FKTN: variants seen among roughly 807,000 people sequenced by gnomAD.
FKTN encodes ribitol-5-phosphate transferase FKTN.
A neutral mutation model predicts 58.6 loss-of-function variants in FKTN; 47 were observed. That is an observed-to-expected ratio of 0.80 (90% CI 0.63 to 1.02). The LOEUF (loss-of-function observed/expected upper bound fraction) is 1.02, where lower values mean the gene tolerates loss of function less well. Ranked by LOEUF, FKTN falls within the 50% of genes least tolerant of loss-of-function variation. FKTN has a pLI of 0.00. For missense variants in FKTN, 516 were observed against 537.3 expected (o/e 0.96, Z 0.39); for synonymous variants, 178 against 191.9 (o/e 0.93, Z 0.60).
At chr9:105,589,538 G>A (rs1844488039) in intron 3 of FKTN, among the ~76,000 whole-genome samples, 1 of 151,838 alleles carries the variant, frequency 6.6e-6, no homozygotes, top group South Asian at 2.1e-4. Context: ...TAACAAAATG[G>A]TATAATCTTC....
At position 105,635,211 on chromosome 9, in the gene FKTN, C is replaced by G. The variant is rs781465422; in HGVS notation, c.1333C>G (p.Pro445Ala). The change falls in exon 11 of 11, where the codon CCC becomes GCC. Residue 445 changes from proline (P) to alanine (A), a missense_variant. Coordinates refer to ENST00000357998, the MANE Select transcript of FKTN (RefSeq NM_001079802.2). ...GAAGCGCTCTCCTCCCAATGTGCAACCCAATGGAATCTGGCCTATTTCTGA... is the reference window on the plus strand; with the variant it reads ...GAAGCGCTCTCCTCCCAATGTGCAAGCCAATGGAATCTGGCCTATTTCTGA... ...DWKRSPPNVQ[P>A]NGIWPISEWD... 17 of 1,614,174 alleles carry G rather than the reference C, an allele frequency of 1.1e-5. No individual in the cohort carries two copies. The highest frequency in any genetic ancestry group is 3.3e-4 in the Middle Eastern group (2 of 6,062).
chr9:105,569,929 T>C (rs1431585505), intron 1 of FKTN, among the ~76,000 whole-genome samples: 1 of 152,148 alleles, frequency 6.6e-6, no homozygotes, highest in African/African-American at 2.4e-5. Context: ...TTTACCTAAG[T>C]GTAAGTAAGG....
intron 3 of FKTN, among the ~76,000 whole-genome samples, chr9:105,588,280 A>ATCTGAT (rs1223975805): frequency 2.0e-5 from 3 of 152,204 alleles, no homozygotes; most frequent in Non-Finnish European, 4.4e-5. Context: ...TGTTGTTGGC[A>ATCTGAT]TCTGATTCCA....
chr9:105,637,120 A>G lies in FKTN; in HGVS notation c.*1856A>G. The G allele has an allele frequency of 1.0e-6, 1 of 987,194 alleles. No homozygotes were observed. The highest frequency in any genetic ancestry group is 1.2e-6 in the Non-Finnish European group (1 of 830,414). The allele number at this position is 987,194 out of a possible 1,614,324, so 61.2% of individuals were successfully genotyped here. On this transcript the variant is annotated 3_prime_UTR_variant, in exon 11 of 11. Transcript: ENST00000357998. ...AATTCATTTTTCATGCTTAAAAATA[A>G]TAGAACAAATAATAATACTATTTTT...
intron 7 of FKTN, among the ~76,000 whole-genome samples, chr9:105,614,323 A>C (rs998386807): frequency 4.6e-5 from 7 of 152,174 alleles, no homozygotes; most frequent in Admixed American, 6.5e-5. Flanking sequence ...GAAGTATAAT[A>C]ATTATCTTTA....
intron 10 of FKTN, among the ~76,000 whole-genome samples, chr9:105,627,722 T>G (rs550734491): frequency 1.1e-3 from 162 of 152,344 alleles, no homozygotes; most frequent in African/African-American, 3.7e-3. Context: ...GGAAATAATC[T>G]TCTCTTCCTC....
chr9:105,618,096 A>G lies in FKTN; in HGVS notation c.1044+4A>G. On this transcript the variant is annotated splice_donor_region_variant and intron_variant, in intron 9 of 10. Transcript: ENST00000357998. ...GCTCAAACACAAATTTGGGAAGGTC[A>G]GTAACAAAAGTCGGCTTCATTTCAT... 1 of 1,611,092 alleles carries G rather than the reference A, an allele frequency of 6.2e-7. No homozygotes were observed.
At chr9:105,607,026 C>T (rs951948073) in intron 6 of FKTN, among the ~76,000 whole-genome samples, 1 of 151,670 alleles carries the variant, frequency 6.6e-6, no homozygotes, top group African/African-American at 2.4e-5. Flanking sequence ...GAGACATTAT[C>T]TTTTAGTTTT....
At chr9:105,585,206 C>G (rs986029409) in intron 3 of FKTN, among the ~76,000 whole-genome samples, 1 of 152,140 alleles carries the variant, frequency 6.6e-6, no homozygotes, top group African/African-American at 2.4e-5. Flanking sequence ...GAGAGGATCG[C>G]TTGAGCCCAG....
rs543697317 is a variant in FKTN, at chr9:105,640,376, C to A, written c.*5112C>A. ...GACCAGCCTGGCCAACATAGTGAAA[C>A]CCCGTCTCTTCTAAAAATACAAAAA... is the stretch of plus-strand genomic sequence containing the variant. On this transcript the variant is annotated 3_prime_UTR_variant, in exon 11 of 11. Coordinates refer to ENST00000357998, the MANE Select transcript of FKTN (RefSeq NM_001079802.2). 5.9e-5 allele frequency: 22 copies of A among 372,362 alleles called. No individual in the cohort carries two copies. In the East Asian group the frequency reaches 9.5e-4, roughly 16 times the overall value. 23.1% of individuals were successfully genotyped at this position (372,362 alleles called of 1,614,324 possible).
At chr9:105,568,669 G>C (rs940597103) in intron 1 of FKTN, among the ~76,000 whole-genome samples, 2 of 152,196 alleles carry the variant, frequency 1.3e-5, no homozygotes, top group African/African-American at 4.8e-5. Flanking sequence ...GGAGAAATAG[G>C]AACACTTTTA....
intron 9 of FKTN, among the ~76,000 whole-genome samples, chr9:105,619,212 C>T (rs1831399094): frequency 2.0e-5 from 3 of 152,070 alleles, no homozygotes; most frequent in African/African-American, 7.2e-5. Flanking sequence ...ACCAAACATT[C>T]ACTATAAGTA....
chr9:105,581,497 AC>A (rs1161936446), intron 3 of FKTN, among the ~76,000 whole-genome samples: 1 of 150,726 alleles, frequency 6.6e-6, no homozygotes, highest in Non-Finnish European at 1.5e-5. Flanking sequence ...GGGGTCAGGG[AC>A]CCACTTGAGG....
intron 3 of FKTN, among the ~76,000 whole-genome samples, chr9:105,585,554 TG>T (rs1430889798): frequency 2.0e-5 from 3 of 152,272 alleles, no homozygotes; most frequent in African/African-American, 7.2e-5. Context: ...TTTGGGTTTT[TG>T]TTAAACTTAT....
Position 105,638,052 on chromosome 9 carries a change from C to G in FKTN, c.*2788C>G. On this transcript the variant is annotated 3_prime_UTR_variant, in exon 11 of 11. Coordinates refer to ENST00000357998, the MANE Select transcript of FKTN (RefSeq NM_001079802.2). ...TCATTCTGCTTTTGAATCTTAAAAG[C>G]TAGAAAAACCATAATGTAATATTCT... 1.0e-6 allele frequency: 1 copy of G among 976,174 alleles called. No individual in the cohort carries two copies. The highest frequency in any genetic ancestry group is 1.2e-6 in the Non-Finnish European group (1 of 821,552). The allele number at this position is 976,174 out of a possible 1,614,324, so 60.5% of individuals were successfully genotyped here.
chr9:105,625,370 T>C (rs1832623268), intron 10 of FKTN, among the ~76,000 whole-genome samples: 1 of 152,224 alleles, frequency 6.6e-6, no homozygotes, highest in South Asian at 2.1e-4. Flanking sequence ...CATGTAAAGA[T>C]GATATTTGGC....
chr9:105,596,740 G>A, intron 4 of FKTN, 83 bp downstream of exon 4: 3 of 1,039,022 alleles, frequency 2.9e-6, no homozygotes, highest in Non-Finnish European at 3.0e-6. Context: ...GTTGAATGAT[G>A]GCAATAATAA....
chr9:105,618,145 G>T (rs951073727), intron 9 of FKTN, 53 bp downstream of exon 9: 2 of 1,462,208 alleles, frequency 1.4e-6, no homozygotes, highest in African/African-American at 2.8e-5. Context: ...CACTTGTAAA[G>T]TTTACATTAA....
chr9:105,578,565 G>A (rs1476157014), intron 3 of FKTN, among the ~76,000 whole-genome samples: 7 of 149,404 alleles, frequency 4.7e-5, no homozygotes, highest in Non-Finnish European at 7.4e-5. Context: ...TGCTGGATTC[G>A]GTTTGCCAGT....
Sources: allele counts gnomAD v4.1 joint callset (sites outside exome capture counted in the v4.1 genomes callset), GRCh38; gene constraint gnomAD v4.1.1; transcripts MANE v1.5; gene names NCBI Gene and HGNC (gene_info 2026-07-23, HGNC 2026-07-21).